The following ALG6 variants were observed in gnomAD, a reference collection of about 807,000 sequenced individuals.
The protein encoded by ALG6 is dolichyl pyrophosphate Man9GlcNAc2 alpha-1,3-glucosyltransferase.
ALG6 carries 46 observed loss-of-function variants against 66.6 expected under a neutral mutation model. The observed-to-expected ratio is 0.69, with a 90% CI of 0.55 to 0.88. The LOEUF (loss-of-function observed/expected upper bound fraction) is 0.88. Ranked by LOEUF, ALG6 falls within the 40% of genes least tolerant of loss-of-function variation. ALG6 has a pLI of 0.00. For missense variants in ALG6, 505 were observed against 586.8 expected (o/e 0.86, Z 1.44); for synonymous variants, 185 against 203.7 (o/e 0.91, Z 0.78).
In ALG6 at chr1:63,438,320, A is replaced by G. The variant is rs893309924; in HGVS notation, c.*1300A>G. 2 of 152,228 alleles carry G rather than the reference A, an allele frequency of 1.3e-5. No individual in the cohort carries two copies. The highest frequency in any genetic ancestry group is 4.8e-5 in the African/African-American group (2 of 41,470). 9.4% of individuals were successfully genotyped at this position (152,228 alleles called of 1,614,324 possible). A position where few individuals can be genotyped will look rare whatever the true frequency, so the allele number is the denominator to read the frequency against. ...AATAGCAGCCTTGAATCACTGCCGA[A>G]TCAGCAAGAACATTGCTGTCCATGG... On this transcript the variant is annotated 3_prime_UTR_variant, in exon 15 of 15. Coordinates refer to ENST00000263440, the MANE Select transcript of ALG6 (RefSeq NM_013339.4).
chr1:63,382,041 C>T (rs1648327576), intron 2 of ALG6, among the ~76,000 whole-genome samples: 1 of 151,950 alleles, frequency 6.6e-6, no homozygotes, highest in African/African-American at 2.4e-5. Context: ...AATATCTCAG[C>T]TTGTACCACT....
intron 12 of ALG6, among the ~76,000 whole-genome samples, chr1:63,422,098 T>TAA (rs1207816585): frequency 3.7e-5 from 4 of 108,134 alleles, no homozygotes; most frequent in Admixed American, 1.1e-4. Context: ...TATATAAATA[T>TAA]ATAAATATAA....
chr1:63,392,558 T>A (rs1648703244), intron 2 of ALG6, among the ~76,000 whole-genome samples: 1 of 152,234 alleles, frequency 6.6e-6, no homozygotes, highest in South Asian at 2.1e-4. Flanking sequence ...TTAGTAGGTA[T>A]TGTTAACAAC....
chr1:63,428,497 T>C (rs1283226831), intron 12 of ALG6: 14 of 359,272 alleles, frequency 3.9e-5, no homozygotes, highest in East Asian at 2.3e-4. Context: ...ATTAACGGCA[T>C]ACTGGAAGCA....
In ALG6 at chr1:63,402,200, ACTT is replaced by A; in HGVS notation, c.168-50_168-48del. 9 of 1,053,416 alleles carry A rather than the reference ACTT, an allele frequency of 8.5e-6. No individual in the cohort carries two copies. The East Asian group carries it at 1.2e-4, about 14-fold the overall frequency. 65.3% of individuals were successfully genotyped at this position (1,053,416 alleles called of 1,614,324 possible). A position where few individuals can be genotyped will look rare whatever the true frequency, so the allele number is the denominator to read the frequency against. On this transcript the variant is annotated intron_variant, in intron 3 of 14. Transcript: ENST00000263440. ...AGGTGCAATGTTAAATTATAAGTCT[ACTT>A]CTTGAATATTGATTAACGGAATGGT...
chr1:63,372,624 A>G (rs1293338132), intron 2 of ALG6, among the ~76,000 whole-genome samples: 1 of 152,096 alleles, frequency 6.6e-6, no homozygotes, highest in Non-Finnish European at 1.5e-5. Flanking sequence ...GTATATAGCA[A>G]ATGTGTATGT....
intron 2 of ALG6, among the ~76,000 whole-genome samples, chr1:63,391,047 G>T (rs544563112): frequency 1.3e-5 from 2 of 152,284 alleles, no homozygotes; most frequent in South Asian, 4.1e-4. Context: ...GGGGACAGTT[G>T]CTGGAGGGTT....
intron 9 of ALG6, 27 bp from the exon 10 acceptor site, chr1:63,414,034 A>G (rs1382854208): frequency 6.6e-7 from 1 of 1,516,856 alleles, no homozygotes; most frequent in Non-Finnish European, 9.2e-7. Context: ...TTATACCAGA[A>G]TGTAAAGCTA....
intron 2 of ALG6, among the ~76,000 whole-genome samples, chr1:63,382,515 C>T (rs561582745): frequency 6.6e-6 from 1 of 152,278 alleles, no homozygotes; most frequent in South Asian, 2.1e-4. Context: ...CGCTCTGTCA[C>T]CCAGGCTGGA....
At chr1:63,411,113 AT>A (rs1368742013) in intron 7 of ALG6, 32 bp from the exon 8 acceptor site, 12 of 1,609,884 alleles carry the variant, frequency 7.5e-6, no homozygotes, top group Admixed American at 5.0e-5. Flanking sequence ...TTTTTAAAAG[AT>A]TATTGAGATA....
chr1:63,406,279 A>T, intron 5 of ALG6, 38 bp from the exon 6 acceptor site: 1 of 1,566,008 alleles, frequency 6.4e-7, no homozygotes, highest in Non-Finnish European at 8.8e-7. Context: ...GTAAATCCTG[A>T]TGGACTCATG....
rs1359099365 is a variant in ALG6, at chr1:63,400,204, A to T, written c.168-2050A>T. Among the ~76,000 whole-genome samples, 5 of 42,668 alleles carry T rather than the reference A, an allele frequency of 1.2e-4. No homozygotes were observed. The South Asian group carries it at 5.0e-3, about 43-fold the overall frequency. 28.0% of individuals were successfully genotyped at this position (42,668 alleles called of 152,430 possible). On this transcript the variant is annotated intron_variant, in intron 3 of 14. Transcript: ENST00000263440. ...AGCAAAACTCTGTCTCAAAAAAAAA[A>T]AAATATATATATATATACGTATATA...
chr1:63,414,397 G>A (rs911038221), intron 10 of ALG6, among the ~76,000 whole-genome samples: 4 of 151,650 alleles, frequency 2.6e-5, no homozygotes, highest in Admixed American at 6.6e-5. Flanking sequence ...GATTACAGGC[G>A]CCCGCCACAT....
At chr1:63,402,402 G>C in intron 4 of ALG6, 59 bp downstream of exon 4, 1 of 1,049,584 alleles carries the variant, frequency 9.5e-7, no homozygotes, top group Non-Finnish European at 1.5e-6. Context: ...GATTTAGTAA[G>C]AAGCAGTGTG....
intron 14 of ALG6, among the ~76,000 whole-genome samples, chr1:63,432,868 G>A (rs1644654563): frequency 6.6e-6 from 1 of 152,234 alleles, no homozygotes. Context: ...CTGGGCCCAA[G>A]TGATCCTCCT....
chr1:63,409,900 C>T (rs1644507901), intron 7 of ALG6, among the ~76,000 whole-genome samples: 1 of 152,128 alleles, frequency 6.6e-6, no homozygotes. Flanking sequence ...TAGTTCATTT[C>T]TTCAGAAAAA....
Position 63,404,420 on chromosome 1 carries a change from A to G in ALG6, c.258-33A>G, listed in dbSNP as rs779339456. ...TCTTTATTGCTAAAAGGGATGAGGA[A>G]TGAAGTATCTGTATATATGCTTTGA... is the stretch of plus-strand genomic sequence containing the variant. On this transcript the variant is annotated intron_variant, in intron 4 of 14. Transcript: ENST00000263440. 3.3e-6 allele frequency: 5 copies of G among 1,498,032 alleles called. No individual in the cohort carries two copies. The African/African-American group carries it at 5.5e-5, about 17-fold the overall frequency. 92.8% of individuals were successfully genotyped at this position (1,498,032 alleles called of 1,614,324 possible).
At chr1:63,412,945 C>T (rs1197846047) in intron 9 of ALG6, among the ~76,000 whole-genome samples, 3 of 152,014 alleles carry the variant, frequency 2.0e-5, no homozygotes, top group Non-Finnish European at 4.4e-5. Context: ...GAAGATGGAA[C>T]CAGCATTTTG....
chr1:63,413,156 A>G (rs940518627), intron 9 of ALG6, among the ~76,000 whole-genome samples: 2 of 152,140 alleles, frequency 1.3e-5, no homozygotes, highest in Non-Finnish European at 2.9e-5. Flanking sequence ...CAGATTAGAA[A>G]ACTGAGGTCA....
Sources: gnomAD v4.1 joint callset for allele counts (sites outside exome capture counted in the v4.1 genomes callset) on GRCh38, gnomAD v4.1.1 for gene constraint, MANE v1.5 for transcripts, NCBI Gene and HGNC (gene_info 2026-07-23, HGNC 2026-07-21) for gene names.